SRGAP3: variants seen among roughly 807,000 people sequenced by gnomAD.
The protein encoded by SRGAP3 is SLIT-ROBO Rho GTPase-activating protein 3.
SRGAP3 carries 39 observed loss-of-function variants against 121.1 expected under a neutral mutation model. The ratio of observed to expected loss-of-function variants is 0.32; its 90% CI spans 0.25 to 0.42. SRGAP3 has a LOEUF of 0.42. Among genes scored for constraint, SRGAP3 ranks in the 10% least tolerant of loss-of-function variants. SRGAP3 has a pLI of 1.00. For missense variants in SRGAP3, 1,213 were observed against 1,470.6 expected, an observed-to-expected ratio of 0.82 and a Z score of 2.86; for synonymous variants, 601 against 570.0, an observed-to-expected ratio of 1.05 and a Z score of -0.77.
Position 9,351,186 on chromosome 3 carries a change from T to C in SRGAP3, n.214+11654A>G, listed in dbSNP as rs2030122701. On this transcript the variant is annotated intron_variant and non_coding_transcript_variant, in intron 1 of 3. Coordinates refer to the SRGAP3 transcript ENST00000490889. ...CATTCTAGGGGGTCAAAGTAAATCA[T>C]AAACCCAGCCGAGATACCACCTTTT... is the stretch of plus-strand genomic sequence containing the variant. Among the ~76,000 whole-genome samples, 4 of 152,170 alleles carry C rather than the reference T, an allele frequency of 2.6e-5. No individual in the cohort carries two copies. In the South Asian group the frequency reaches 8.3e-4, roughly 31 times the overall value.
chr3:9,272,614 AATGTATAT>A (rs1387252440), intron 3 of SRGAP3, among the ~76,000 whole-genome samples: 7 of 152,194 alleles, frequency 4.6e-5, no homozygotes, highest in Admixed American at 2.6e-4. Context: ...ATAATATTCT[AATGTATAT>A]ATGTATCAAG....
intron 17 of SRGAP3, 32 bp from the exon 18 acceptor site, chr3:9,010,419 C>CGG (rs60541881): frequency 6.2e-7 from 1 of 1,613,232 alleles, no homozygotes; most frequent in East Asian, 2.2e-5. Context: ...GGACTCACTG[C>CGG]GGGGGGTTAT....
chr3:9,013,601 T>C (rs1943480497), intron 16 of SRGAP3, 66 bp from the exon 17 acceptor site: 7 of 1,585,838 alleles, frequency 4.4e-6, no homozygotes, highest in South Asian at 2.2e-5. Flanking sequence ...GTTTTTTTTC[T>C]TTTGGGGGAC....
At chr3:9,047,184 C>T (rs1358592381) in intron 10 of SRGAP3, among the ~76,000 whole-genome samples, 4 of 152,086 alleles carry the variant, frequency 2.6e-5, no homozygotes, top group African/African-American at 9.7e-5. Context: ...AAGCAACTCA[C>T]ACCCTCTATT....
exon 1 of SRGAP3, chr3:9,362,987 T>C (rs2596922): frequency 0.13 from 19,771 of 152,148 alleles, 2,224 homozygotes; most frequent in East Asian, 0.35. Context: ...CCCCAAGACC[T>C]TGTGGGGGAA....
chr3:9,325,292 A>C lies in SRGAP3; in HGVS notation n.442+718T>G, dbSNP rs1010533680. On this transcript the variant is annotated intron_variant and non_coding_transcript_variant, in intron 3 of 3. Coordinates refer to the SRGAP3 transcript ENST00000490889. ...TCCTTACCCAGGGTCCCCATAAACC[A>C]AACCACATAAAGTTAAATAGATTAA... Among the ~76,000 whole-genome samples, 3 of 151,842 alleles carry C rather than the reference A, an allele frequency of 2.0e-5. 1 individual carries two copies. Among genetic ancestry groups the C allele is most frequent in the Admixed American group, 2.0e-4 (3 of 15,282 alleles).
intron 3 of SRGAP3, among the ~76,000 whole-genome samples, chr3:9,098,617 C>A (rs1948083819): frequency 6.6e-6 from 1 of 152,188 alleles, no homozygotes; most frequent in African/African-American, 2.4e-5. Context: ...TGGGATTGGA[C>A]ACATCTGGAT....
At chr3:9,213,203 G>A (rs758143700) in intron 1 of SRGAP3, among the ~76,000 whole-genome samples, 4 of 152,066 alleles carry the variant, frequency 2.6e-5, no homozygotes, top group Non-Finnish European at 4.4e-5. Flanking sequence ...CTGGAAGGAT[G>A]CCCAGTTTGT....
At chr3:8,988,898 C>T (rs1480566920) in intron 21 of SRGAP3, among the ~76,000 whole-genome samples, 1 of 152,224 alleles carries the variant, frequency 6.6e-6, no homozygotes, top group Non-Finnish European at 1.5e-5. Context: ...GGAGGCAGAG[C>T]TCACGCAATA....
intron 1 of SRGAP3, among the ~76,000 whole-genome samples, chr3:9,149,255 G>T (rs905347187): frequency 1.3e-5 from 2 of 151,272 alleles, no homozygotes; most frequent in African/African-American, 4.9e-5. Context: ...GAAACCTGAA[G>T]CTAGAGAGCC....
intron 1 of SRGAP3, among the ~76,000 whole-genome samples, chr3:9,142,295 T>C (rs1949880826): frequency 6.6e-6 from 1 of 152,248 alleles, no homozygotes; most frequent in South Asian, 2.1e-4. Flanking sequence ...CTCTGCTGCC[T>C]GAGAATTAGC....
At chr3:9,295,343 G>T (rs941403831) in intron 3 of SRGAP3, among the ~76,000 whole-genome samples, 3 of 152,206 alleles carry the variant, frequency 2.0e-5, no homozygotes, top group Non-Finnish European at 2.9e-5. Context: ...TTACAGCATG[G>T]AAGTTTTGAA....
At chr3:9,085,288 C>T (rs1023005765) in intron 3 of SRGAP3, among the ~76,000 whole-genome samples, 1 of 152,212 alleles carries the variant, frequency 6.6e-6, no homozygotes, top group Non-Finnish European at 1.5e-5. Context: ...AGAGGTCAGC[C>T]TCTTCCTGTC....
rs74520113 is a variant in SRGAP3, at chr3:8,985,689, A to G, written c.3130T>C (p.Ser1044Pro). 6.3e-7 allele frequency: 1 copy of G among 1,596,364 alleles called. No homozygotes were observed. Among genetic ancestry groups the G allele is most frequent in the African/African-American group, 1.3e-5 (1 of 74,762 alleles). ...AGCTGGGCGCCAGCCAGGCGGGCGG[A>G]CAGGGCTGGCTTGAAGGTGGTCATC... ...EMMTTFKPAL[S>P]ARLAGAQLRP... Residue 1044 changes from serine (S) to proline (P), a missense_variant, in exon 22 of 22, where the codon TCC becomes CCC. Physicochemically the swap from Ser to Pro is moderately conservative, Grantham distance 74 (BLOSUM62 -1). Around this residue, in one of 2 missense-constraint regions of SRGAP3, gnomAD observed 420 missense variants for 437.7 expected, o/e 0.96. Coordinates refer to ENST00000383836, the MANE Select transcript of SRGAP3 (RefSeq NM_014850.4). The surrounding 1 kb of genome is among the most constrained non-coding windows in gnomAD (Gnocchi z 5.1).
At chr3:9,295,888 T>C (rs3905453) in intron 3 of SRGAP3, among the ~76,000 whole-genome samples, 9,837 of 152,230 alleles carry the variant, frequency 0.065, 1,057 homozygotes, top group African/African-American at 0.22. Flanking sequence ...AGAGGAATCA[T>C]ATACATATAC....
intron 9 of SRGAP3, among the ~76,000 whole-genome samples, chr3:9,047,855 G>C (rs1560001947): frequency 1.3e-5 from 2 of 152,242 alleles, no homozygotes; most frequent in Admixed American, 6.5e-5. Flanking sequence ...CAATAAAAAT[G>C]GGAGCCGTCC....
chr3:9,264,201 G>A (rs1001065938), intron 3 of SRGAP3, among the ~76,000 whole-genome samples: 10 of 152,126 alleles, frequency 6.6e-5, no homozygotes, highest in African/African-American at 2.2e-4. Flanking sequence ...CAATAAACTA[G>A]GTATTGATGG....
At chr3:9,225,873 G>A (rs1368572820) in intron 1 of SRGAP3, among the ~76,000 whole-genome samples, 1 of 152,062 alleles carries the variant, frequency 6.6e-6, no homozygotes, top group African/African-American at 2.4e-5. Flanking sequence ...CAGAACAAAA[G>A]CCCAGCGCTG....
chr3:9,256,289 G>A (rs561863357), intron 3 of SRGAP3, among the ~76,000 whole-genome samples: 1 of 152,328 alleles, frequency 6.6e-6, no homozygotes, highest in Admixed American at 6.5e-5. Flanking sequence ...TCACAGCTGA[G>A]CCCCAGATCC....
Sources: gnomAD v4.1 joint callset for allele counts (sites outside exome capture counted in the v4.1 genomes callset) on GRCh38, gnomAD v4.1.1 for gene constraint, gnomAD v4.1.1 regional missense constraint, Gnocchi (gnomAD v3.1) non-coding constraint, MANE v1.5 for transcripts, NCBI Gene and HGNC (gene_info 2026-07-23, HGNC 2026-07-21) for gene names.